UGT2B7: variants seen among roughly 807,000 people sequenced by gnomAD.
UGT2B7 encodes UDP glucuronosyltransferase family 2 member B7.
A neutral mutation model predicts 51.9 loss-of-function variants in UGT2B7; 51 were observed. That is an observed-to-expected ratio of 0.98 (90% CI 0.78 to 1.24). The LOEUF (loss-of-function observed/expected upper bound fraction) is 1.24. Among genes scored for constraint, UGT2B7 ranks in the 50% most tolerant of loss-of-function variants. The probability of loss-of-function intolerance (pLI) is 0.00; values close to 1 mark genes in which losing one functional copy is unlikely to be tolerated. For synonymous variants in UGT2B7, 225 were observed against 211.6 expected (o/e 1.06, Z -0.55); for missense variants, 727 against 628.4 (o/e 1.16, Z -1.68).
Position 69,096,549 on chromosome 4 carries a change from T to C in UGT2B7, c.29T>C (p.Leu10Ser), listed in dbSNP as rs759026515. The C allele has an allele frequency of 4.3e-6, 7 of 1,613,974 alleles. 1 individual carries two copies. The South Asian group carries it at 7.7e-5, about 18-fold the overall frequency. Residue 10 changes from leucine to serine, a missense_variant, in exon 1 of 6, where the codon TTG (leucine) becomes TCG (serine). By Grantham distance (145) the Leu-to-Ser change is moderately radical (BLOSUM62 -2). Coordinates refer to ENST00000305231, the MANE Select transcript of UGT2B7 (RefSeq NM_001074.4). MSVKWTSVILLIQLSFCFSS... is the reference protein window; with the variant it reads MSVKWTSVISLIQLSFCFSS... ...TCTGTGAAATGGACTTCAGTAATTT[T>C]GCTAATACAACTGAGCTTTTGCTTT...
chr4:69,065,915 TTTAA>T (rs1192862718), intron 1 of UGT2B7, among the ~76,000 whole-genome samples: 1 of 152,132 alleles, frequency 6.6e-6, no homozygotes, highest in Admixed American at 6.6e-5. Context: ...TATTTGAACT[TTTAA>T]TTTATTATCA....
At chr4:69,084,918 T>C (rs550395290) in intron 1 of UGT2B7, among the ~76,000 whole-genome samples, 307 of 152,280 alleles carry the variant, frequency 2.0e-3, no homozygotes, top group Non-Finnish European at 2.3e-3. Context: ...TGAATAATGC[T>C]GCAATAAAAA....
At chr4:69,061,911 G>T (rs551638065) in intron 1 of UGT2B7, among the ~76,000 whole-genome samples, 1 of 152,200 alleles carries the variant, frequency 6.6e-6, no homozygotes, top group Admixed American at 6.5e-5. Flanking sequence ...TTCAGGATGG[G>T]TCATGGCCTT....
At chr4:69,065,852 A>G (rs753732742) in intron 1 of UGT2B7, among the ~76,000 whole-genome samples, 1 of 142,302 alleles carries the variant, frequency 7.0e-6, no homozygotes, top group African/African-American at 2.6e-5. Flanking sequence ...GATCATTAGT[A>G]ATTTTTTAAT....
At chr4:69,092,493 G>T (rs1719106202), upstream of UGT2B7, among the ~76,000 whole-genome samples, 1 of 152,070 alleles carries the variant, frequency 6.6e-6, no homozygotes, top group Non-Finnish European at 1.5e-5. Context: ...GATGCAACAG[G>T]GAGTGATGCT....
At chr4:69,073,853 C>T (rs1718648719) in intron 1 of UGT2B7, among the ~76,000 whole-genome samples, 1 of 152,128 alleles carries the variant, frequency 6.6e-6, no homozygotes, top group Non-Finnish European at 1.5e-5. Flanking sequence ...GATAATTCCT[C>T]TTTTGGGCTC....
At chr4:69,077,267 CT>C (rs1560503102) in intron 1 of UGT2B7, among the ~76,000 whole-genome samples, 1 of 149,236 alleles carries the variant, frequency 6.7e-6, no homozygotes, top group Non-Finnish European at 1.5e-5. Context: ...TCTGCAGGCT[CT>C]TTTTTGGTTC....
At chr4:69,091,174 G>A (rs541430746) in intron 2 of UGT2B7, among the ~76,000 whole-genome samples, 1 of 152,098 alleles carries the variant, frequency 6.6e-6, no homozygotes, top group East Asian at 1.9e-4. Flanking sequence ...TTTTTTCTCT[G>A]GAACTCTAAA....
Position 69,096,516 on chromosome 4 carries a change from C to T in UGT2B7, c.-5C>T, listed in dbSNP as rs375784186. On this transcript the variant is annotated 5_prime_UTR_variant, in exon 1 of 6. Coordinates refer to ENST00000305231, the MANE Select transcript of UGT2B7 (RefSeq NM_001074.4). Reference sequence around the variant, plus strand: ...ACTGGAAAACAAGCATTGCATTGCACCAGGATGTCTGTGAAATGGACTTCA... The same window carrying T: ...ACTGGAAAACAAGCATTGCATTGCATCAGGATGTCTGTGAAATGGACTTCA... The T allele has an allele frequency of 3.1e-6, 5 of 1,613,664 alleles. No individual in the cohort carries two copies. Among genetic ancestry groups the T allele is most frequent in the African/African-American group, 1.3e-5 (1 of 74,908 alleles).
chr4:69,084,367 C>G (rs962423133), intron 1 of UGT2B7, among the ~76,000 whole-genome samples: 1 of 135,904 alleles, frequency 7.4e-6, no homozygotes, highest in African/African-American at 2.9e-5. Flanking sequence ...GTTTTACTAT[C>G]AAGGTAATCA....
At chr4:69,103,341 T>C (rs1194782788) in intron 3 of UGT2B7, among the ~76,000 whole-genome samples, 3 of 152,116 alleles carry the variant, frequency 2.0e-5, no homozygotes, top group African/African-American at 2.4e-5. Context: ...GAAGTAATAG[T>C]TGTGCCTCAG....
chr4:69,074,787 T>G (rs1328976966), intron 1 of UGT2B7, among the ~76,000 whole-genome samples: 2 of 152,100 alleles, frequency 1.3e-5, no homozygotes, highest in African/African-American at 4.8e-5. Flanking sequence ...TTTTTCATAG[T>G]TTTCACAAGC....
intron 4 of UGT2B7, among the ~76,000 whole-genome samples, chr4:69,107,566 C>T (rs1000652221): frequency 1.3e-5 from 2 of 151,730 alleles, no homozygotes; most frequent in Admixed American, 6.6e-5. Flanking sequence ...AACTTTACAC[C>T]TGTTTTTTTC....
chr4:69,079,981 A>G lies in UGT2B7; in HGVS notation c.-158-9491A>G, dbSNP rs1234215573. Among the ~76,000 whole-genome samples, 5 of 151,976 alleles carry G rather than the reference A, an allele frequency of 3.3e-5. No individual in the cohort carries two copies. In the East Asian group the frequency reaches 7.7e-4, roughly 23 times the overall value. ...TAAATACTTCACTTTCTTCTAATAT[A>G]TTTATTAACCTTAGCATCTTTTTTT... On this transcript the variant is annotated intron_variant, in intron 1 of 5. Coordinates refer to the UGT2B7 transcript ENST00000502942.
At chr4:69,056,284 T>C (rs941502077) in intron 1 of UGT2B7, among the ~76,000 whole-genome samples, 7 of 152,158 alleles carry the variant, frequency 4.6e-5, no homozygotes, top group Non-Finnish European at 1.0e-4. Flanking sequence ...TAGACCCCCA[T>C]CTAAATGCTC....
chr4:69,077,847 G>T (rs185366635), intron 1 of UGT2B7, among the ~76,000 whole-genome samples: 1 of 152,238 alleles, frequency 6.6e-6, no homozygotes, highest in Admixed American at 6.5e-5. Context: ...GGGCATCCTT[G>T]CCTTGTGCCA....
At chr4:69,056,078 T>C (rs1007242912) in intron 1 of UGT2B7, among the ~76,000 whole-genome samples, 1 of 152,046 alleles carries the variant, frequency 6.6e-6, no homozygotes, top group Non-Finnish European at 1.5e-5. Context: ...GAGGTAGCTG[T>C]GCAATTGGCA....
intron 1 of UGT2B7, among the ~76,000 whole-genome samples, chr4:69,054,755 T>A (rs1233079811): frequency 6.6e-6 from 1 of 152,068 alleles, no homozygotes; most frequent in Admixed American, 6.5e-5. Flanking sequence ...AGAAGCTGAC[T>A]GGTCCACGCA....
intron 1 of UGT2B7, among the ~76,000 whole-genome samples, chr4:69,088,766 G>A (rs1719020034): frequency 2.0e-5 from 3 of 151,986 alleles, no homozygotes; most frequent in African/African-American, 7.2e-5. Flanking sequence ...ATTCACCCCA[G>A]GTCATTCAAC....
Sources: allele counts gnomAD v4.1 joint callset (sites outside exome capture counted in the v4.1 genomes callset), GRCh38; gene constraint gnomAD v4.1.1; transcripts MANE v1.5; gene names NCBI Gene and HGNC (gene_info 2026-07-23, HGNC 2026-07-21).